Variants in DNAJC25 observed in about 807,000 individuals in gnomAD.
DNAJC25 encodes dnaJ homolog subfamily C member 25.
A neutral mutation model predicts 42.1 loss-of-function variants in DNAJC25; 26 were observed. That is an observed-to-expected ratio of 0.62 (90% confidence interval 0.45 to 0.86). The LOEUF (loss-of-function observed/expected upper bound fraction) is 0.86, where lower values mean the gene tolerates loss of function less well. Among genes scored for constraint, DNAJC25 ranks in the 40% least tolerant of loss-of-function variants. The pLI, the probability that DNAJC25 is intolerant of heterozygous loss-of-function variation, is 0.00. For synonymous variants in DNAJC25, 189 were observed against 179.9 expected (o/e 1.05, Z -0.40); for missense variants, 404 against 459.4 (o/e 0.88, Z 1.10).
At chr9:111,635,197 G>A (rs1830345931) in intron 1 of DNAJC25, among the ~76,000 whole-genome samples, 1 of 152,206 alleles carries the variant, frequency 6.6e-6, no homozygotes, top group Admixed American at 6.5e-5. Flanking sequence ...TTATCACACT[G>A]CATTTAAGTA....
Position 111,640,071 on chromosome 9 carries a change from C to A in DNAJC25, c.337-7036C>A, listed in dbSNP as rs574683864. Among the ~76,000 whole-genome samples, 600 of 151,870 alleles carry A rather than the reference C, an allele frequency of 4.0e-3. 3 individuals are homozygous for A. The highest frequency in any genetic ancestry group is 0.014 in the African/African-American group (575 of 41,512). On this transcript the variant is annotated intron_variant, in intron 1 of 3. Coordinates refer to ENST00000313525, the MANE Select transcript of DNAJC25 (RefSeq NM_001015882.3). ...CCTGCCTCAGTCTGCCGAATGCCTG[C>A]GATTGCAGGCACGCGCCGCCACGCC...
chr9:111,644,860 G>T (rs1026151561), intron 1 of DNAJC25, among the ~76,000 whole-genome samples: 1 of 152,210 alleles, frequency 6.6e-6, no homozygotes. Flanking sequence ...GTACTCAAAA[G>T]GAGACACATG....
intron 2 of DNAJC25, among the ~76,000 whole-genome samples, chr9:111,649,135 G>A (rs983736794): frequency 2.0e-5 from 3 of 152,092 alleles, no homozygotes; most frequent in Non-Finnish European, 2.9e-5. Context: ...AAGTGATCTA[G>A]GGAAGAGCCA....
rs11415636 is a variant in DNAJC25 at position 111,645,797 on chromosome 9, CTT to C, written c.337-1301_337-1300del. ...ATTCATTCCTCTAAGATAAAAAAAA[CTT>C]TTTTTTTTGGAGACAGGGTTTTGCT... On this transcript the variant is annotated intron_variant, in intron 1 of 3. Coordinates refer to ENST00000313525, the MANE Select transcript of DNAJC25 (RefSeq NM_001015882.3). Among the ~76,000 whole-genome samples the C allele has an allele frequency of 6.0e-5, 9 of 149,338 alleles. No individual in the cohort carries two copies. In the South Asian group the frequency reaches 1.7e-3, roughly 28 times the overall value.
At chr9:111,641,172 G>T (rs1830454269) in intron 1 of DNAJC25, among the ~76,000 whole-genome samples, 1 of 122,886 alleles carries the variant, frequency 8.1e-6, no homozygotes, top group Non-Finnish European at 1.7e-5. Flanking sequence ...ATCCGGGAGG[G>T]AGGTGGGGGG....
rs150768799 is a variant in DNAJC25, at chr9:111,648,508, A to T, written c.490-945A>T. On this transcript the variant is annotated intron_variant, in intron 2 of 3. Coordinates refer to ENST00000313525, the MANE Select transcript of DNAJC25 (RefSeq NM_001015882.3). ...TGGTCTCGAGCTCCTGGGCTCAAGC[A>T]ATCCACTCACCGCAGCCTCTCAAAG... Among the ~76,000 whole-genome samples, 1,463 of 151,794 alleles carry T rather than the reference A, an allele frequency of 9.6e-3. 10 individuals are homozygous for T. The highest frequency in any genetic ancestry group is 0.015 in the Non-Finnish European group (1,006 of 67,904).
chr9:111,647,899 C>T (rs917019792), intron 2 of DNAJC25, among the ~76,000 whole-genome samples: 5 of 152,216 alleles, frequency 3.3e-5, no homozygotes, highest in African/African-American at 1.2e-4. Context: ...CTGCCTCAGC[C>T]TCCTGAGTAG....
rs566930332 is a variant in DNAJC25 at position 111,637,502 on chromosome 9, C to T, written c.336+5759C>T. On this transcript the variant is annotated intron_variant, in intron 1 of 3. Coordinates refer to ENST00000313525, the MANE Select transcript of DNAJC25 (RefSeq NM_001015882.3). ...CTTCTGGAATCTTCTTCTGTCATTC[C>T]TCTTTGGCAACTTGAAAATCTCCTA... Among the ~76,000 whole-genome samples, 6 of 152,296 alleles carry T rather than the reference C, an allele frequency of 3.9e-5. No homozygotes were observed. The South Asian group carries it at 1.2e-3, about 32-fold the overall frequency.
intron 3 of DNAJC25, among the ~76,000 whole-genome samples, chr9:111,650,179 A>G (rs937264218): frequency 1.3e-5 from 2 of 152,250 alleles, no homozygotes; most frequent in African/African-American, 4.8e-5. Context: ...TAAGAATGTT[A>G]AACTGCATTG....
chr9:111,647,923 C>T (rs963215051), intron 2 of DNAJC25, among the ~76,000 whole-genome samples: 5 of 152,204 alleles, frequency 3.3e-5, no homozygotes, highest in Admixed American at 1.3e-4. Context: ...GGACTACAGG[C>T]GCGCACCACC....
chr9:111,634,178 G>A (rs1000459009), intron 1 of DNAJC25, among the ~76,000 whole-genome samples: 19 of 152,176 alleles, frequency 1.2e-4, no homozygotes, highest in African/African-American at 4.3e-4. Flanking sequence ...AATTTATGGA[G>A]ATGAACATAT....
rs547297167 is a variant in DNAJC25 at position 111,650,685 on chromosome 9, G to A, written c.960+762G>A. Among the ~76,000 whole-genome samples, 10 of 152,078 alleles carry A rather than the reference G, an allele frequency of 6.6e-5. No homozygotes were observed. In the South Asian group the frequency reaches 2.1e-3, roughly 32 times the overall value. On this transcript the variant is annotated intron_variant, in intron 3 of 3. Coordinates refer to ENST00000313525, the MANE Select transcript of DNAJC25 (RefSeq NM_001015882.3). ...TTTCTTATTTTTATCATATAGTGTT[G>A]GGGTTTTGCCATGTTGTCTAGGATG...
chr9:111,644,269 C>G (rs1830531309), intron 1 of DNAJC25, among the ~76,000 whole-genome samples: 1 of 152,160 alleles, frequency 6.6e-6, no homozygotes, highest in Admixed American at 6.5e-5. Flanking sequence ...GGACCTTGAA[C>G]AGATTGCACA....
At chr9:111,635,315 C>G (rs1830347360) in intron 1 of DNAJC25, among the ~76,000 whole-genome samples, 1 of 152,216 alleles carries the variant, frequency 6.6e-6, no homozygotes, top group Non-Finnish European at 1.5e-5. Context: ...GTTATAAAAA[C>G]TCTTATCTGG....
intron 1 of DNAJC25, among the ~76,000 whole-genome samples, chr9:111,643,916 A>G (rs556164550): frequency 1.1e-4 from 17 of 152,240 alleles, no homozygotes; most frequent in African/African-American, 4.1e-4. Flanking sequence ...GTAGGTTACT[A>G]AAGAGCAGAA....
intron 1 of DNAJC25, chr9:111,643,206 G>A (rs912052955): frequency 2.8e-5 from 7 of 254,512 alleles, no homozygotes; most frequent in African/African-American, 1.1e-4. Flanking sequence ...TTATGACATC[G>A]CCACCCATCC....
rs1321684797 is a variant in DNAJC25, at chr9:111,636,227, GA to G, written c.336+4485del. Among the ~76,000 whole-genome samples the G allele has an allele frequency of 4.6e-5, 7 of 152,302 alleles. No homozygotes were observed. In the East Asian group the frequency reaches 1.2e-3, roughly 25 times the overall value. On this transcript the variant is annotated intron_variant, in intron 1 of 3. Transcript: ENST00000313525. ...TGATGGTGAAAGGACATTTCTGGTAGAGGGGAAACTTGATCAACAGAAACAT... is the reference window on the plus strand; with the variant it reads ...TGATGGTGAAAGGACATTTCTGGTAGGGGGAAACTTGATCAACAGAAACAT...
In DNAJC25 at chr9:111,654,018, T is replaced by G. The variant is rs1051423; in HGVS notation, c.*796T>G. On this transcript the variant is annotated 3_prime_UTR_variant, in exon 4 of 4. Transcript: ENST00000313525. ...CAGTATTGGTTTTTTCCCCTCTCTC[T>G]TCACTTAAAAAAAAAAATAGCAAGG... 0.13 allele frequency: 20,011 copies of G among 152,162 alleles called. 1,888 individuals carry two copies. The highest frequency in any genetic ancestry group is 0.42 in the East Asian group (2,170 of 5,152). 9.4% of individuals were successfully genotyped at this position (152,162 alleles called of 1,614,324 possible).
intron 1 of DNAJC25, among the ~76,000 whole-genome samples, chr9:111,642,667 C>T (rs531930530): frequency 2.0e-5 from 3 of 146,674 alleles, no homozygotes; most frequent in African/African-American, 7.6e-5. Context: ...AAACTAGCTG[C>T]AATATCAAAT....
Sources: gnomAD v4.1 joint callset for allele counts (sites outside exome capture counted in the v4.1 genomes callset) on GRCh38, gnomAD v4.1.1 for gene constraint, MANE v1.5 for transcripts, NCBI Gene and HGNC (gene_info 2026-07-23, HGNC 2026-07-21) for gene names.